CAMK1D: variants seen among roughly 807,000 people sequenced by gnomAD.
The protein encoded by CAMK1D is calcium/calmodulin dependent protein kinase ID, also known as calcium/calmodulin-dependent protein kinase type 1D.
In CAMK1D, 9 loss-of-function variants were observed where a neutral mutation model predicts 47.7. That is an observed-to-expected ratio of 0.19 (90% CI 0.11 to 0.33). The LOEUF (loss-of-function observed/expected upper bound fraction) is 0.33. CAMK1D is among the 10% of genes least tolerant of loss of function. CAMK1D has a pLI of 1.00. For missense variants in CAMK1D, 291 were observed against 488.7 expected (o/e 0.60, Z 3.81); for synonymous variants, 184 against 184.9 (o/e 0.99, Z 0.04).
intron 10 of CAMK1D, among the ~76,000 whole-genome samples, chr10:12,827,158 T>G (rs989887548): frequency 7.3e-6 from 1 of 137,298 alleles, no homozygotes; most frequent in Non-Finnish European, 1.5e-5. Flanking sequence ...CCCTCCTTTA[T>G]TTCCCTCCTT....
intron 2 of CAMK1D, among the ~76,000 whole-genome samples, chr10:12,657,223 G>A (rs759031700): frequency 5.9e-5 from 9 of 152,010 alleles, no homozygotes; most frequent in Non-Finnish European, 1.0e-4. Flanking sequence ...TCAAGAGATC[G>A]AGACCATCCT....
intron 1 of CAMK1D, among the ~76,000 whole-genome samples, chr10:12,498,975 A>G (rs554443423): frequency 6.6e-6 from 1 of 152,094 alleles, no homozygotes; most frequent in South Asian, 2.1e-4. Context: ...GAATTTAGGT[A>G]GCAGTTTTAG....
At chr10:12,577,928 T>C (rs1031890272) in intron 2 of CAMK1D, among the ~76,000 whole-genome samples, 1 of 152,232 alleles carries the variant, frequency 6.6e-6, no homozygotes, top group Non-Finnish European at 1.5e-5. Flanking sequence ...CATCCAATCA[T>C]CCATGCAGTC....
intron 3 of CAMK1D, among the ~76,000 whole-genome samples, chr10:12,667,683 C>T (rs2132556808): frequency 6.6e-6 from 1 of 152,254 alleles, no homozygotes; most frequent in African/African-American, 2.4e-5. Flanking sequence ...AGAATATAGA[C>T]TTAATTTCAT....
chr10:12,458,176 T>C (rs2815613), intron 1 of CAMK1D, among the ~76,000 whole-genome samples: 111,929 of 152,094 alleles, frequency 0.74, 41,431 homozygotes, highest in East Asian at 0.97. Flanking sequence ...TCCCATGCAC[T>C]GTCTGCTGTT....
intron 3 of CAMK1D, among the ~76,000 whole-genome samples, chr10:12,745,067 A>G (rs1003328779): frequency 1.3e-5 from 2 of 152,204 alleles, no homozygotes; most frequent in African/African-American, 4.8e-5. Flanking sequence ...CAGTCTCGCC[A>G]TCGTCCAGGC....
chr10:12,357,906 T>C (rs1837563384), intron 1 of CAMK1D, among the ~76,000 whole-genome samples: 1 of 152,120 alleles, frequency 6.6e-6, no homozygotes, highest in Non-Finnish European at 1.5e-5. Context: ...TATTATGCAG[T>C]GTATTGATTA....
intron 1 of CAMK1D, among the ~76,000 whole-genome samples, chr10:12,525,876 A>G (rs80219168): frequency 0.23 from 35,022 of 151,662 alleles, 4,301 homozygotes; most frequent in South Asian, 0.27. Context: ...TCTTGCCTCA[A>G]CCTCCCAAGT....
intron 3 of CAMK1D, among the ~76,000 whole-genome samples, chr10:12,746,839 G>C (rs1479801704): frequency 1.3e-5 from 2 of 152,098 alleles, no homozygotes; most frequent in African/African-American, 4.8e-5. Flanking sequence ...GGCGTCTGAG[G>C]TTCCTACATT....
At chr10:12,419,120 G>T (rs1839956646) in intron 1 of CAMK1D, among the ~76,000 whole-genome samples, 1 of 152,104 alleles carries the variant, frequency 6.6e-6, no homozygotes, top group South Asian at 2.1e-4. Context: ...CAAATGAATG[G>T]CATTCCCTCC....
chr10:12,650,341 C>T (rs1296581875), intron 2 of CAMK1D, among the ~76,000 whole-genome samples: 3 of 152,222 alleles, frequency 2.0e-5, no homozygotes, highest in Non-Finnish European at 2.9e-5. Context: ...GGGCTGTGCC[C>T]GCATAGCCCT....
intron 1 of CAMK1D, among the ~76,000 whole-genome samples, chr10:12,549,940 G>A (rs2815632): frequency 0.31 from 46,459 of 152,092 alleles, 7,450 homozygotes; most frequent in East Asian, 0.49. Flanking sequence ...TCCTCCAAGC[G>A]AGGAAATGCT....
chr10:12,359,232 G>A (rs571749782), intron 1 of CAMK1D, among the ~76,000 whole-genome samples: 1 of 152,340 alleles, frequency 6.6e-6, no homozygotes, highest in South Asian at 2.1e-4. Context: ...TTGTGGTGAA[G>A]ATGAAATGAG....
intron 1 of CAMK1D, among the ~76,000 whole-genome samples, chr10:12,416,727 ACT>A (rs1389354136): frequency 1.3e-5 from 2 of 152,020 alleles, no homozygotes; most frequent in Non-Finnish European, 2.9e-5. Context: ...CACTTGCCAT[ACT>A]CTGTGTCAGT....
At position 12,396,764 on chromosome 10, in the gene CAMK1D, TC is replaced by T. The variant is rs1407820847; in HGVS notation, c.92+46856del. Among the ~76,000 whole-genome samples, 4 of 152,198 alleles carry T rather than the reference TC, an allele frequency of 2.6e-5. No individual in the cohort carries two copies. The East Asian group carries it at 7.7e-4, about 29-fold the overall frequency. ...GCTGTTGCTGGTTCAGCTTAGCACT[TC>T]CAGCCACGTAGGCTCCCCGTGGCCA... is the stretch of plus-strand genomic sequence containing the variant. On this transcript the variant is annotated intron_variant, in intron 1 of 10. Transcript: ENST00000619168.
At chr10:12,524,496 A>G (rs11257859) in intron 1 of CAMK1D, among the ~76,000 whole-genome samples, 77,406 of 151,724 alleles carry the variant, frequency 0.51, 19,954 homozygotes, top group South Asian at 0.62. Context: ...TCACGAGGTC[A>G]GGAGACCGAG....
chr10:12,411,099 G>A (rs974474037), intron 1 of CAMK1D, among the ~76,000 whole-genome samples: 7 of 152,080 alleles, frequency 4.6e-5, no homozygotes, highest in African/African-American at 1.2e-4. Flanking sequence ...CCACCCCATC[G>A]GCTCCCATCA....
chr10:12,694,984 C>G (rs1247726499), intron 3 of CAMK1D, among the ~76,000 whole-genome samples: 2 of 151,788 alleles, frequency 1.3e-5, no homozygotes, highest in Non-Finnish European at 2.9e-5. Context: ...ATAAATAAAT[C>G]CTCGTTGGAG....
At chr10:12,603,617 G>T (rs186718559) in intron 2 of CAMK1D, among the ~76,000 whole-genome samples, 1 of 152,204 alleles carries the variant, frequency 6.6e-6, no homozygotes, top group African/African-American at 2.4e-5. Context: ...GCCATGAGAA[G>T]GGTGCAGAAG....
Sources: gnomAD v4.1 joint callset for allele counts (sites outside exome capture counted in the v4.1 genomes callset) on GRCh38, gnomAD v4.1.1 for gene constraint, MANE v1.5 for transcripts, NCBI Gene and HGNC (gene_info 2026-07-23, HGNC 2026-07-21) for gene names.